NELL2: variants seen among roughly 807,000 people sequenced by gnomAD.
NELL2 encodes neural EGFL like 2.
A neutral mutation model predicts 109.6 loss-of-function variants in NELL2; 41 were observed. The ratio of observed to expected loss-of-function variants is 0.37; its 90% CI spans 0.29 to 0.49. NELL2 has a LOEUF of 0.49. Among genes scored for constraint, NELL2 ranks in the 20% least tolerant of loss-of-function variants. NELL2 has a pLI of 0.98. For synonymous variants in NELL2, 355 were observed against 344.7 expected, an observed-to-expected ratio of 1.03 and a Z score of -0.33; for missense variants, 900 against 1,008.3, an observed-to-expected ratio of 0.89 and a Z score of 1.45.
At chr12:44,816,214 A>G (rs1382945040) in intron 2 of NELL2, 78 bp from the exon 3 acceptor site, 11 of 1,294,740 alleles carry the variant, frequency 8.5e-6, no homozygotes, top group South Asian at 1.6e-5. Flanking sequence ...ACATCTTTCA[A>G]AAAACTTTAT....
intron 12 of NELL2, among the ~76,000 whole-genome samples, chr12:44,701,204 C>A (rs1302396059): frequency 1.3e-5 from 2 of 151,728 alleles, no homozygotes. Flanking sequence ...TTATTCAAAT[C>A]CTGAATAATA....
chr12:44,570,054 A>G (rs1943807516), intron 15 of NELL2, among the ~76,000 whole-genome samples: 2 of 152,196 alleles, frequency 1.3e-5, no homozygotes, highest in Admixed American at 1.3e-4. Context: ...CAGAAGCATG[A>G]TTGCATTTTT....
intron 15 of NELL2, among the ~76,000 whole-genome samples, chr12:44,540,105 T>A (rs1942482431): frequency 6.6e-6 from 1 of 152,244 alleles, no homozygotes; most frequent in African/African-American, 2.4e-5. Context: ...TACACACTTT[T>A]ATATACCTGT....
intron 10 of NELL2, among the ~76,000 whole-genome samples, chr12:44,712,940 T>A (rs1423294226): frequency 6.6e-6 from 1 of 151,908 alleles, no homozygotes; most frequent in East Asian, 1.9e-4. Context: ...TGGTGCAGCA[T>A]TAGAAGGTAG....
In NELL2 at chr12:44,703,731, C is replaced by A. The variant is rs749763085; in HGVS notation, c.1313G>T (p.Cys438Phe). The A allele has an allele frequency of 6.2e-7, 1 of 1,613,306 alleles. No individual in the cohort carries two copies. Reference protein sequence around the residue: ...FRALREDNAYCEDIDECAEGR... With the variant: ...FRALREDNAYFEDIDECAEGR... The stretch of plus-strand genomic sequence containing the variant: ...CACATCATTACAAGGATTACCTTCA[C>A]AGTAGGCATTATCCTCTCGAAGAGC... The change falls in exon 12 of 20, where the codon TGT (cysteine) becomes TTT (phenylalanine). Residue 438 changes from cysteine (C) to phenylalanine (F), a missense_variant. Cys to Phe is a radical substitution (Grantham distance 205). Coordinates refer to ENST00000429094, the MANE Select transcript of NELL2 (RefSeq NM_001145108.2).
At chr12:44,642,280 T>C (rs948187971) in intron 13 of NELL2, among the ~76,000 whole-genome samples, 4 of 151,636 alleles carry the variant, frequency 2.6e-5, no homozygotes, top group African/African-American at 4.9e-5. Flanking sequence ...TAGGAATCAA[T>C]AAGAAAAATA....
chr12:44,889,671 AT>A (rs975725269), intron 1 of NELL2, among the ~76,000 whole-genome samples: 1 of 150,842 alleles, frequency 6.6e-6, no homozygotes, highest in Admixed American at 6.6e-5. Flanking sequence ...CTTATATCAG[AT>A]TTTTTTCTCT....
intron 13 of NELL2, among the ~76,000 whole-genome samples, chr12:44,635,844 G>A (rs1188077878): frequency 6.6e-6 from 1 of 152,090 alleles, no homozygotes; most frequent in African/African-American, 2.4e-5. Flanking sequence ...GCTTGATGGG[G>A]ATAGCATTGA....
chr12:44,742,059 CCAGTA>C (rs1427790089), intron 9 of NELL2, among the ~76,000 whole-genome samples: 1 of 152,190 alleles, frequency 6.6e-6, no homozygotes, highest in Non-Finnish European at 1.5e-5. Flanking sequence ...GAGGCACCCC[CCAGTA>C]GGGGTGGACT....
chr12:44,896,115 G>A (rs979973212), intron 1 of NELL2, among the ~76,000 whole-genome samples: 1 of 152,120 alleles, frequency 6.6e-6, no homozygotes, highest in Non-Finnish European at 1.5e-5. Context: ...CGGAAGAGGG[G>A]CTATCAGAGA....
chr12:44,752,339 A>T (rs1218882826), intron 9 of NELL2, among the ~76,000 whole-genome samples: 2 of 152,228 alleles, frequency 1.3e-5, no homozygotes, highest in Non-Finnish European at 2.9e-5. Context: ...AGTATTTCAT[A>T]ATTATCATAA....
chr12:44,544,666 AT>A (rs1942720987), intron 15 of NELL2, among the ~76,000 whole-genome samples: 2 of 152,136 alleles, frequency 1.3e-5, no homozygotes, highest in South Asian at 4.1e-4. Context: ...TAAAATATAT[AT>A]TTAAAAACAT....
At chr12:44,650,324 T>A (rs7299365) in intron 13 of NELL2, among the ~76,000 whole-genome samples, 35 of 148,908 alleles carry the variant, frequency 2.4e-4, no homozygotes, top group African/African-American at 7.4e-4. Flanking sequence ...TTGATACAGC[T>A]TCTCAAAAAA....
chr12:44,907,368 G>C (rs1945731414), intron 1 of NELL2, among the ~76,000 whole-genome samples: 1 of 151,982 alleles, frequency 6.6e-6, no homozygotes, highest in Non-Finnish European at 1.5e-5. Context: ...ACATAACAAA[G>C]GACTGAGAAC....
chr12:44,559,375 C>T (rs1052827326), intron 15 of NELL2, among the ~76,000 whole-genome samples: 2 of 152,174 alleles, frequency 1.3e-5, no homozygotes, highest in African/African-American at 4.8e-5. Context: ...TTAAAAGACA[C>T]AGACTAGCAA....
chr12:44,734,091 C>T (rs1441896884), intron 9 of NELL2, among the ~76,000 whole-genome samples: 6 of 151,988 alleles, frequency 3.9e-5, no homozygotes, highest in African/African-American at 1.4e-4. Context: ...CTATCAATTA[C>T]TACAACTTTA....
intron 13 of NELL2, among the ~76,000 whole-genome samples, chr12:44,631,595 G>A (rs1179587657): frequency 6.6e-6 from 1 of 151,920 alleles, no homozygotes; most frequent in Non-Finnish European, 1.5e-5. Context: ...CTCAATACAT[G>A]GGTAACAGTA....
At chr12:44,636,618 T>A (rs889092036) in intron 13 of NELL2, among the ~76,000 whole-genome samples, 13 of 152,206 alleles carry the variant, frequency 8.5e-5, no homozygotes, top group Admixed American at 6.5e-4. Context: ...CAGCCTTGCA[T>A]CCCAGGGATG....
At chr12:44,843,608 T>C (rs1356158235) in intron 2 of NELL2, among the ~76,000 whole-genome samples, 2 of 152,362 alleles carry the variant, frequency 1.3e-5, no homozygotes, top group South Asian at 2.1e-4. Flanking sequence ...ACAAAATATC[T>C]GAGACTGAAT....
Sources: gnomAD v4.1 joint callset for allele counts (sites outside exome capture counted in the v4.1 genomes callset) on GRCh38, gnomAD v4.1.1 for gene constraint, MANE v1.5 for transcripts, NCBI Gene and HGNC (gene_info 2026-07-23, HGNC 2026-07-21) for gene names.